The following ASIC2 variants were observed in gnomAD, a reference collection of about 807,000 sequenced individuals.
ASIC2 encodes the protein acid sensing ion channel subunit 2.
ASIC2 carries 25 observed loss-of-function variants against 57.3 expected under a neutral mutation model. The observed-to-expected ratio is 0.44, with a 90% CI of 0.32 to 0.61. The LOEUF (loss-of-function observed/expected upper bound fraction) is 0.61. Among genes scored for constraint, ASIC2 ranks in the 20% least tolerant of loss-of-function variants. The probability of loss-of-function intolerance (pLI) is 0.06; values close to 1 mark genes in which losing one functional copy is unlikely to be tolerated. For missense variants in ASIC2, 641 were observed against 738.1 expected (o/e 0.87, Z 1.52); for synonymous variants, 319 against 307.5 (o/e 1.04, Z -0.39).
chr17:33,434,995 T>G (rs1440632164), intron 1 of ASIC2, among the ~76,000 whole-genome samples: 1 of 152,176 alleles, frequency 6.6e-6, no homozygotes, highest in African/African-American at 2.4e-5. Context: ...AAACAAATGA[T>G]TAATCATAGG....
At chr17:33,268,355 ATCCAT>A (rs1567804678) in intron 1 of ASIC2, among the ~76,000 whole-genome samples, 20 of 149,858 alleles carry the variant, frequency 1.3e-4, no homozygotes, top group Non-Finnish European at 2.5e-4. Context: ...CCATCCATCC[ATCCAT>A]CCATCCATCC....
intron 1 of ASIC2, among the ~76,000 whole-genome samples, chr17:34,016,594 C>T (rs1207121475): frequency 6.6e-6 from 1 of 152,010 alleles, no homozygotes; most frequent in Non-Finnish European, 1.5e-5. Flanking sequence ...AATACAGTTG[C>T]TATATATAAA....
At chr17:33,670,012 A>G (rs1448975303) in intron 1 of ASIC2, among the ~76,000 whole-genome samples, 1 of 152,184 alleles carries the variant, frequency 6.6e-6, no homozygotes, top group Non-Finnish European at 1.5e-5. Flanking sequence ...GGTTTAGTAA[A>G]TGCCATGAGA....
At chr17:33,380,260 A>G (rs1909435509) in intron 1 of ASIC2, among the ~76,000 whole-genome samples, 1 of 150,514 alleles carries the variant, frequency 6.6e-6, no homozygotes, top group African/African-American at 2.4e-5. Flanking sequence ...AAAAAAAAAA[A>G]AAAAAAAAGA....
chr17:33,517,243 G>A lies in ASIC2; in HGVS notation c.556-405176C>T, dbSNP rs146169849. On this transcript the variant is annotated intron_variant, in intron 1 of 9. Coordinates refer to the ASIC2 transcript ENST00000359872. Reference sequence around the variant, plus strand: ...TGATTCTCCTGCCTCAGCCTCCTGCGTAGCTGGGATTACAGGCATGCACCA... The same window carrying A: ...TGATTCTCCTGCCTCAGCCTCCTGCATAGCTGGGATTACAGGCATGCACCA... 4.2e-3 allele frequency among the ~76,000 whole-genome samples: 639 copies of A among 152,244 alleles called. 4 individuals are homozygous for A. Among genetic ancestry groups the A allele is most frequent in the Non-Finnish European group, 5.1e-3 (346 of 68,004 alleles).
At chr17:33,799,206 C>T (rs527478181) in intron 1 of ASIC2, among the ~76,000 whole-genome samples, 2 of 150,402 alleles carry the variant, frequency 1.3e-5, no homozygotes, top group South Asian at 4.3e-4. Flanking sequence ...TTTGTGTAAT[C>T]AGTTCCTTCC....
chr17:33,209,769 A>G (rs945069138), intron 1 of ASIC2, among the ~76,000 whole-genome samples: 3 of 152,224 alleles, frequency 2.0e-5, no homozygotes, highest in African/African-American at 7.2e-5. Flanking sequence ...TGAATAAATG[A>G]ATGCATGAAC....
chr17:33,630,383 C>T (rs559339560), intron 1 of ASIC2, among the ~76,000 whole-genome samples: 6 of 152,278 alleles, frequency 3.9e-5, no homozygotes, highest in South Asian at 2.1e-4. Context: ...TCAGCTTTCA[C>T]GAACCAGTCT....
At chr17:34,132,505 A>G (rs530096924) in intron 1 of ASIC2, among the ~76,000 whole-genome samples, 53 of 151,602 alleles carry the variant, frequency 3.5e-4, no homozygotes, top group Non-Finnish European at 6.0e-4. Flanking sequence ...TCTTTTTTCA[A>G]TCCTCCCTGC....
chr17:33,171,102 T>G (rs1352571948), intron 1 of ASIC2, among the ~76,000 whole-genome samples: 1 of 152,216 alleles, frequency 6.6e-6, no homozygotes, highest in Non-Finnish European at 1.5e-5. Context: ...GGTGATTTGA[T>G]GCATCACCTC....
chr17:33,610,928 C>T (rs939118537), intron 1 of ASIC2, among the ~76,000 whole-genome samples: 1 of 152,140 alleles, frequency 6.6e-6, no homozygotes, highest in African/African-American at 2.4e-5. Flanking sequence ...ACAAAAAGTT[C>T]CCACACAACT....
chr17:33,090,120 T>C (rs1263338868), intron 2 of ASIC2, among the ~76,000 whole-genome samples: 1 of 152,168 alleles, frequency 6.6e-6, no homozygotes, highest in African/African-American at 2.4e-5. Context: ...GCTGCCTGGA[T>C]TGGGCATCAC....
chr17:33,704,796 C>G (rs1402265179), intron 1 of ASIC2, among the ~76,000 whole-genome samples: 1 of 152,122 alleles, frequency 6.6e-6, no homozygotes, highest in African/African-American at 2.4e-5. Flanking sequence ...TCATTAAGGT[C>G]CTTTTCAACT....
At chr17:33,224,639 C>A (rs777432951) in intron 1 of ASIC2, among the ~76,000 whole-genome samples, 1 of 152,174 alleles carries the variant, frequency 6.6e-6, no homozygotes, top group Admixed American at 6.5e-5. Flanking sequence ...GCCATTTTAT[C>A]GAATTCTCAC....
intron 1 of ASIC2, among the ~76,000 whole-genome samples, chr17:33,516,508 C>T (rs1914576984): frequency 6.6e-6 from 1 of 152,040 alleles, no homozygotes; most frequent in South Asian, 2.1e-4. Flanking sequence ...ATTAGATTCT[C>T]CTAGAAAGAC....
At chr17:33,799,431 T>TTCCTTTC (rs1912046340) in intron 1 of ASIC2, among the ~76,000 whole-genome samples, 1 of 22,530 alleles carries the variant, frequency 4.4e-5, no homozygotes, top group African/African-American at 1.3e-4. Context: ...TTCTTTCTTC[T>TTCCTTTC]TTCTTTCTTT....
chr17:33,368,281 G>A (rs555675522), intron 1 of ASIC2, among the ~76,000 whole-genome samples: 2 of 152,220 alleles, frequency 1.3e-5, no homozygotes, highest in Non-Finnish European at 2.9e-5. Flanking sequence ...CCCTAAAGCT[G>A]CCATGTTGGA....
intron 1 of ASIC2, among the ~76,000 whole-genome samples, chr17:33,540,706 G>A (rs1202468153): frequency 2.6e-5 from 4 of 152,056 alleles, no homozygotes; most frequent in African/African-American, 9.7e-5. Flanking sequence ...CCTACTTGAT[G>A]GTGCATTCAC....
intron 1 of ASIC2, among the ~76,000 whole-genome samples, chr17:33,407,466 C>T (rs1470027131): frequency 2.0e-5 from 3 of 152,156 alleles, no homozygotes; most frequent in East Asian, 3.9e-4. Flanking sequence ...CCTTCAAGTG[C>T]TATATTTTCT....
Sources: allele counts gnomAD v4.1 joint callset (sites outside exome capture counted in the v4.1 genomes callset), GRCh38; gene constraint gnomAD v4.1.1; transcripts MANE v1.5; gene names NCBI Gene and HGNC (gene_info 2026-07-23, HGNC 2026-07-21).